Variants in DTNA observed in about 807,000 individuals in gnomAD.
DTNA encodes dystrophin-related protein 3.
In DTNA, 43 loss-of-function variants were observed where a neutral mutation model predicts 100.7. The observed-to-expected ratio is 0.43, with a 90% CI of 0.33 to 0.55. The LOEUF (loss-of-function observed/expected upper bound fraction) is 0.55, where lower values mean the gene tolerates loss of function less well. DTNA is among the 20% of genes least tolerant of loss of function. The probability of loss-of-function intolerance (pLI) is 0.04; values close to 1 mark genes in which losing one functional copy is unlikely to be tolerated. For missense variants in DTNA, 798 were observed against 953.9 expected (o/e 0.84, Z 2.15); for synonymous variants, 349 against 347.9 (o/e 1.00, Z -0.04).
intron 1 of DTNA, among the ~76,000 whole-genome samples, chr18:34,743,288 C>T (rs1312416546): frequency 6.6e-6 from 1 of 152,242 alleles, no homozygotes; most frequent in Non-Finnish European, 1.5e-5. Flanking sequence ...CTCATACCCC[C>T]GCCTGTTTCT....
chr18:34,859,945 C>T (rs1049667256), intron 16 of DTNA, among the ~76,000 whole-genome samples: 2 of 152,210 alleles, frequency 1.3e-5, no homozygotes, highest in African/African-American at 4.8e-5. Context: ...GCAAACAACA[C>T]AAAAATAAAT....
chr18:34,514,250 G>A (rs1230135242), intron 1 of DTNA, among the ~76,000 whole-genome samples: 1 of 152,086 alleles, frequency 6.6e-6, no homozygotes, highest in Non-Finnish European at 1.5e-5. Context: ...GTGTATAAAT[G>A]TATGTATAAA....
intron 1 of DTNA, chr18:34,679,485 A>G (rs943956748): frequency 2.0e-5 from 3 of 152,156 alleles, no homozygotes; most frequent in African/African-American, 7.2e-5. Flanking sequence ...GGATTTACCA[A>G]TCCTTGGATG....
At chr18:34,881,685 G>C (rs960857946) in intron 20 of DTNA, among the ~76,000 whole-genome samples, 3 of 152,044 alleles carry the variant, frequency 2.0e-5, no homozygotes, top group East Asian at 1.9e-4. Flanking sequence ...CACAGAAAGT[G>C]ATCTTGGGTT....
At chr18:34,873,123 T>C (rs958305737) in intron 17 of DTNA, among the ~76,000 whole-genome samples, 1 of 152,226 alleles carries the variant, frequency 6.6e-6, no homozygotes, top group South Asian at 2.1e-4. Flanking sequence ...TTACCACTTG[T>C]ACCACTGTAC....
At chr18:34,637,572 C>T (rs536239554) in intron 1 of DTNA, among the ~76,000 whole-genome samples, 1 of 152,314 alleles carries the variant, frequency 6.6e-6, no homozygotes, top group Admixed American at 6.5e-5. Context: ...TCTTAGTCCC[C>T]ACTCCACAAA....
chr18:34,511,795 T>A (rs1203941021), intron 1 of DTNA, among the ~76,000 whole-genome samples: 4 of 152,046 alleles, frequency 2.6e-5, no homozygotes, highest in Non-Finnish European at 5.9e-5. Flanking sequence ...AAATAGCTAG[T>A]GTAAATATTA....
At chr18:34,727,200 A>AG (rs774272231) in intron 1 of DTNA, among the ~76,000 whole-genome samples, 2 of 152,194 alleles carry the variant, frequency 1.3e-5, no homozygotes, top group Non-Finnish European at 2.9e-5. Context: ...CTGGCCCCAA[A>AG]ACCCATTCTT....
At chr18:34,541,817 T>C (rs1275996331) in intron 1 of DTNA, among the ~76,000 whole-genome samples, 1 of 151,990 alleles carries the variant, frequency 6.6e-6, no homozygotes, top group East Asian at 1.9e-4. Context: ...GAGTTGTCCT[T>C]GAGAAAAGGG....
intron 1 of DTNA, among the ~76,000 whole-genome samples, chr18:34,662,672 A>G (rs2043626369): frequency 6.6e-6 from 1 of 152,186 alleles, no homozygotes; most frequent in African/African-American, 2.4e-5. Flanking sequence ...TACTCATATC[A>G]TTGCTTCTTG....
At chr18:34,656,078 T>C (rs2074330035) in intron 1 of DTNA, among the ~76,000 whole-genome samples, 2 of 152,194 alleles carry the variant, frequency 1.3e-5, no homozygotes, top group Non-Finnish European at 2.9e-5. Flanking sequence ...GTGAATATAT[T>C]TTATGTTCTT....
chr18:34,559,772 C>G (rs2046466264), intron 1 of DTNA, among the ~76,000 whole-genome samples: 1 of 152,162 alleles, frequency 6.6e-6, no homozygotes, highest in Non-Finnish European at 1.5e-5. Flanking sequence ...AACACAGTCT[C>G]AGAACTAGAC....
intron 1 of DTNA, among the ~76,000 whole-genome samples, chr18:34,583,931 C>T (rs12959708): frequency 0.1 from 15,602 of 152,036 alleles, 1,156 homozygotes; most frequent in African/African-American, 0.2. Context: ...AGGCTACAAG[C>T]TTAGCATTAT....
chr18:34,815,199 G>A (rs919951371), intron 6 of DTNA, among the ~76,000 whole-genome samples: 5 of 151,990 alleles, frequency 3.3e-5, no homozygotes, highest in African/African-American at 1.2e-4. Flanking sequence ...ATATAAATAT[G>A]TATTTTTTTA....
Position 34,875,322 on chromosome 18 carries a change from C to G in DTNA, c.1827C>G (p.Ala609=). 5 of 1,614,232 alleles carry G rather than the reference C, an allele frequency of 3.1e-6. No individual in the cohort carries two copies. The highest frequency in any genetic ancestry group is 4.2e-6 in the Non-Finnish European group (5 of 1,180,040). Reference sequence around the variant, plus strand: ...CCATGCCCATCCGGTCAGCGTCAGCCTGCTCCACCCCGACGCACACGCCGC... The same window carrying G: ...CCATGCCCATCCGGTCAGCGTCAGCGTGCTCCACCCCGACGCACACGCCGC... ...PIPMPIRSAS[A]CSTPTHTPQD... Residue 609 remains alanine, a synonymous_variant, in exon 18 of 23, where the codon GCC becomes GCG. Coordinates refer to ENST00000444659, the MANE Select transcript of DTNA (RefSeq NM_001386795.1).
chr18:34,555,103 G>A (rs1382979706), intron 1 of DTNA, among the ~76,000 whole-genome samples: 3 of 131,968 alleles, frequency 2.3e-5, no homozygotes, highest in African/African-American at 9.2e-5. Flanking sequence ...TTTAGTCTTG[G>A]GAGAGTGTAT....
chr18:34,650,645 A>G (rs2060337103), intron 1 of DTNA, among the ~76,000 whole-genome samples: 1 of 152,174 alleles, frequency 6.6e-6, no homozygotes, highest in African/African-American at 2.4e-5. Context: ...TATTGAGCTT[A>G]GAGACAGACA....
At chr18:34,494,370 G>T (rs1358242510) in intron 1 of DTNA, among the ~76,000 whole-genome samples, 1 of 150,750 alleles carries the variant, frequency 6.6e-6, no homozygotes, top group Non-Finnish European at 1.5e-5. Flanking sequence ...GGGACGGGGG[G>T]CGGCGGGGGC....
At chr18:34,769,887 A>T (rs949753210) in intron 3 of DTNA, among the ~76,000 whole-genome samples, 1 of 150,940 alleles carries the variant, frequency 6.6e-6, no homozygotes, top group African/African-American at 2.4e-5. Context: ...ACGCCCAGCT[A>T]ATTTTGTATT....
Sources: allele counts gnomAD v4.1 joint callset (sites outside exome capture counted in the v4.1 genomes callset), GRCh38; gene constraint gnomAD v4.1.1; transcripts MANE v1.5; gene names NCBI Gene and HGNC (gene_info 2026-07-23, HGNC 2026-07-21).